The following MBTD1 variants were observed in gnomAD, a reference collection of about 807,000 sequenced individuals.
MBTD1 encodes the protein mbt domain containing 1.
A neutral mutation model predicts 87.8 loss-of-function variants in MBTD1; 24 were observed. The ratio of observed to expected loss-of-function variants is 0.27; its 90% CI spans 0.20 to 0.38. The LOEUF (loss-of-function observed/expected upper bound fraction) is 0.38, where lower values mean the gene tolerates loss of function less well. MBTD1 is among the 10% of genes least tolerant of loss of function. MBTD1 has a pLI of 1.00. For missense variants in MBTD1, 436 were observed against 760.2 expected, an observed-to-expected ratio of 0.57 and a Z score of 5.02; for synonymous variants, 237 against 248.6, an observed-to-expected ratio of 0.95 and a Z score of 0.44.
intron 6 of MBTD1, among the ~76,000 whole-genome samples, chr17:51,216,797 TG>T (rs2052595414): frequency 6.6e-6 from 1 of 152,216 alleles, no homozygotes; most frequent in Admixed American, 6.5e-5. Context: ...TAGCCCAGGA[TG>T]GTCTTGAACT....
intron 1 of MBTD1, among the ~76,000 whole-genome samples, chr17:51,259,505 G>A (rs1227965679): frequency 2.0e-5 from 3 of 152,168 alleles, no homozygotes; most frequent in Admixed American, 6.5e-5. Context: ...GCTAAAAAAG[G>A]AAAAGTCTCG....
chr17:51,194,730 A>G (rs2050998353), intron 13 of MBTD1, among the ~76,000 whole-genome samples: 1 of 150,844 alleles, frequency 6.6e-6, no homozygotes, highest in African/African-American at 2.4e-5. Context: ...ATACAAAGAA[A>G]AAAAAAAAAA....
chr17:51,250,468 T>G (rs928291038), intron 2 of MBTD1: 9 of 152,238 alleles, frequency 5.9e-5, no homozygotes, highest in Admixed American at 2.0e-4. Context: ...ATGTTCAAAC[T>G]GTTGTTCTGC....
chr17:51,211,259 A>G (rs1416014186), intron 6 of MBTD1, among the ~76,000 whole-genome samples: 2 of 152,022 alleles, frequency 1.3e-5, no homozygotes, highest in Non-Finnish European at 2.9e-5. Context: ...TTGGGAGGCC[A>G]AGGTTGGGGG....
intron 2 of MBTD1, among the ~76,000 whole-genome samples, chr17:51,252,757 A>G (rs1317081008): frequency 6.6e-6 from 1 of 152,014 alleles, no homozygotes; most frequent in South Asian, 2.1e-4. Flanking sequence ...ACAACAAAAC[A>G]AAACCCCAAA....
intron 2 of MBTD1, chr17:51,256,299 C>T (rs774996593): frequency 8.5e-5 from 13 of 152,226 alleles, no homozygotes; most frequent in Non-Finnish European, 1.8e-4. Flanking sequence ...AGAGGTTACA[C>T]AACTCACCTA....
chr17:51,216,342 T>C, intron 6 of MBTD1, among the ~76,000 whole-genome samples: 1 of 152,194 alleles, frequency 6.6e-6, no homozygotes, highest in South Asian at 2.1e-4. Context: ...TAAGTATTAA[T>C]TAAAGTTGTA....
chr17:51,215,627 C>T (rs1335825763), intron 6 of MBTD1, among the ~76,000 whole-genome samples: 1 of 152,130 alleles, frequency 6.6e-6, no homozygotes, highest in African/African-American at 2.4e-5. Context: ...TTTTAAAGAT[C>T]TCTCTTTAAA....
chr17:51,208,073 G>A (rs2051952902), intron 6 of MBTD1, among the ~76,000 whole-genome samples: 1 of 152,164 alleles, frequency 6.6e-6, no homozygotes, highest in African/African-American at 2.4e-5. Context: ...TGAACATTAG[G>A]CAAATGTCCT....
intron 1 of MBTD1, 59 bp downstream of exon 1, chr17:51,259,776 A>G: frequency 8.1e-7 from 1 of 1,230,974 alleles, no homozygotes; most frequent in Non-Finnish European, 1.0e-6. Flanking sequence ...CTGGGGTCGG[A>G]GAGCTGCAGG....
intron 2 of MBTD1, among the ~76,000 whole-genome samples, chr17:51,236,782 A>G (rs1263425766): frequency 6.7e-6 from 1 of 149,842 alleles, no homozygotes; most frequent in Non-Finnish European, 1.5e-5. Context: ...GAAAAAAAAA[A>G]TAGTCTTTGA....
chr17:51,260,717 T>A, upstream of MBTD1: 1 of 1,599,362 alleles, frequency 6.3e-7, no homozygotes, highest in Non-Finnish European at 8.5e-7. Context: ...GCCTGCCCCT[T>A]CATCCCAGCG....
At chr17:51,218,788 C>T (rs2052725004) in intron 5 of MBTD1, 142 bp downstream of exon 5, 6 of 579,016 alleles carry the variant, frequency 1.0e-5, no homozygotes, top group Non-Finnish European at 1.5e-5. Flanking sequence ...ATCAAAACAA[C>T]TATTAGGAAG....
At chr17:51,227,167 G>C (rs1046659997) in intron 2 of MBTD1, among the ~76,000 whole-genome samples, 1 of 150,462 alleles carries the variant, frequency 6.6e-6, no homozygotes, top group South Asian at 2.1e-4. Context: ...GCATGAACCT[G>C]GGAGGCGGAG....
chr17:51,240,182 T>A (rs936632840), intron 2 of MBTD1, among the ~76,000 whole-genome samples: 1 of 152,176 alleles, frequency 6.6e-6, no homozygotes, highest in African/African-American at 2.4e-5. Flanking sequence ...ATGGTAAAAG[T>A]GAAAATTCAG....
Position 51,205,379 on chromosome 17 carries a change from A to G in MBTD1, c.605-1454T>C, listed in dbSNP as rs904802192. Among the ~76,000 whole-genome samples the G allele has an allele frequency of 2.0e-5, 3 of 152,260 alleles. No homozygotes were observed. In the South Asian group the frequency reaches 6.2e-4, roughly 31 times the overall value. Reference sequence around the variant, plus strand: ...ATGTAAAATCGGAGATGGAAGGCAGAAGTAATTTTTGGATAGTAAATGCAC... The same window carrying G: ...ATGTAAAATCGGAGATGGAAGGCAGGAGTAATTTTTGGATAGTAAATGCAC... On this transcript the variant is annotated intron_variant, in intron 7 of 16. Coordinates refer to ENST00000586178, the MANE Select transcript of MBTD1 (RefSeq NM_017643.3).
At chr17:51,208,681 T>C (rs1357741151) in intron 6 of MBTD1, among the ~76,000 whole-genome samples, 1 of 152,182 alleles carries the variant, frequency 6.6e-6, no homozygotes, top group Non-Finnish European at 1.5e-5. Context: ...TATTTTTCAC[T>C]GAGAAGAAAG....
At chr17:51,222,436 G>C (rs6504697) in intron 3 of MBTD1, among the ~76,000 whole-genome samples, 1 of 151,986 alleles carries the variant, frequency 6.6e-6, no homozygotes, top group Non-Finnish European at 1.5e-5. Flanking sequence ...ACACAGTCTC[G>C]CTCTGTCACC....
At chr17:51,198,727 G>A (rs2051283607) in intron 12 of MBTD1, among the ~76,000 whole-genome samples, 1 of 152,204 alleles carries the variant, frequency 6.6e-6, no homozygotes, top group Non-Finnish European at 1.5e-5. Context: ...TGGAACTGCA[G>A]GCATGAGCCA....
Sources: allele counts gnomAD v4.1 joint callset (sites outside exome capture counted in the v4.1 genomes callset), GRCh38; gene constraint gnomAD v4.1.1; transcripts MANE v1.5; gene names NCBI Gene and HGNC (gene_info 2026-07-23, HGNC 2026-07-21).